The following EIF2AK1 variants were observed in gnomAD, a reference collection of about 807,000 sequenced individuals.
EIF2AK1 encodes the protein eukaryotic translation initiation factor 2-alpha kinase 1.
In EIF2AK1, 54 loss-of-function variants were observed where a neutral mutation model predicts 77.9. The ratio of observed to expected loss-of-function variants is 0.69; its 90% CI spans 0.56 to 0.87. The LOEUF (loss-of-function observed/expected upper bound fraction) is 0.87. Ranked by LOEUF, EIF2AK1 falls within the 40% of genes least tolerant of loss-of-function variation. The probability of loss-of-function intolerance (pLI) is 0.00; values close to 1 mark genes in which losing one functional copy is unlikely to be tolerated. For synonymous variants in EIF2AK1, 314 were observed against 290.5 expected (o/e 1.08, Z -0.82); for missense variants, 810 against 768.6 (o/e 1.05, Z -0.64).
At chr7:6,058,555 T>C (rs955963894) in intron 1 of EIF2AK1, among the ~76,000 whole-genome samples, 1 of 152,144 alleles carries the variant, frequency 6.6e-6, no homozygotes, top group Non-Finnish European at 1.5e-5. Context: ...CAAGAAGAGC[T>C]ACAAATTACA....
At chr7:6,049,826 C>A in intron 3 of EIF2AK1, 86 bp downstream of exon 3, 1 of 1,344,038 alleles carries the variant, frequency 7.4e-7, no homozygotes, top group South Asian at 1.3e-5. Flanking sequence ...GTTTTATAAT[C>A]AGAATTTCAC....
intron 7 of EIF2AK1, among the ~76,000 whole-genome samples, 198 bp downstream of exon 7, chr7:6,044,364 A>G (rs509228): frequency 0.68 from 102,698 of 151,636 alleles, 34,980 homozygotes; most frequent in East Asian, 0.81. Flanking sequence ...CCAGCTACTC[A>G]GGAGGCTGAG....
At chr7:6,045,772 G>A (rs1788430287) in intron 6 of EIF2AK1, among the ~76,000 whole-genome samples, 1 of 140,880 alleles carries the variant, frequency 7.1e-6, no homozygotes, top group Admixed American at 7.2e-5. Context: ...AGGCATGGTG[G>A]CAGATGCCTG....
intron 4 of EIF2AK1, chr7:6,047,300 A>C: frequency 6.0e-6 from 4 of 670,860 alleles, no homozygotes; most frequent in Non-Finnish European, 8.3e-6. Context: ...TCCAAGTAGA[A>C]ATTATTACCG....
Position 6,024,441 on chromosome 7 carries a change from G to C in EIF2AK1, c.*232C>G. 1 of 1,384,896 alleles carries C rather than the reference G, an allele frequency of 7.2e-7. No homozygotes were observed. Among genetic ancestry groups the C allele is most frequent in the Non-Finnish European group, 9.3e-7 (1 of 1,072,756 alleles). 85.8% of individuals were successfully genotyped at this position (1,384,896 alleles called of 1,614,324 possible). ...GAAAGGAGAAAATAATTGAGGATGA[G>C]GTCCAAGTTTTTAGTTTCAGAGACT... On this transcript the variant is annotated 3_prime_UTR_variant, in exon 15 of 15. Coordinates refer to ENST00000199389, the MANE Select transcript of EIF2AK1 (RefSeq NM_014413.4).
In EIF2AK1 at chr7:6,023,999, G is replaced by A. The variant is rs1787661944; in HGVS notation, c.*674C>T. On this transcript the variant is annotated 3_prime_UTR_variant, in exon 15 of 15. Transcript: ENST00000199389. ...GGAGCTGAGTGCTACAATAAAGGAG[G>A]AAGTACCGGGGAACAGTGCAGGGCA... is the stretch of plus-strand genomic sequence containing the variant. 1.5e-6 allele frequency: 2 copies of A among 1,344,990 alleles called. No individual in the cohort carries two copies. The highest frequency in any genetic ancestry group is 1.9e-6 in the Non-Finnish European group (2 of 1,026,432). 83.3% of individuals were successfully genotyped at this position (1,344,990 alleles called of 1,614,324 possible).
chr7:6,050,052 A>G lies in EIF2AK1; in HGVS notation c.278-7T>C. 1.3e-6 allele frequency: 2 copies of G among 1,591,226 alleles called. No homozygotes were observed. Among genetic ancestry groups the G allele is most frequent in the South Asian group, 1.2e-5 (1 of 86,782 alleles). ...ATAAACGTCTGGCAAAGTACTATAA[A>G]AAGAATATGAAAAACTATTATTAGA... On this transcript the variant is annotated splice_polypyrimidine_tract_variant and splice_region_variant and intron_variant, in intron 2 of 14. Coordinates refer to ENST00000199389, the MANE Select transcript of EIF2AK1 (RefSeq NM_014413.4).
At position 6,023,102 on chromosome 7, in the gene EIF2AK1, C is replaced by CT. The variant is rs1026588230; in HGVS notation, c.*1570dup. On this transcript the variant is annotated 3_prime_UTR_variant, in exon 15 of 15. Coordinates refer to ENST00000199389, the MANE Select transcript of EIF2AK1 (RefSeq NM_014413.4). ...AATACCAGGAATGACTCTTTGGTTA[C>CT]TTTTTTAACATAGTTTGCACTTAAA... is the stretch of plus-strand genomic sequence containing the variant. The CT allele has an allele frequency of 1.6e-4, 95 of 610,448 alleles. No homozygotes were observed. The African/African-American group carries it at 1.6e-3, about 11-fold the overall frequency. The allele number at this position is 610,448 out of a possible 1,614,324, so 37.8% of individuals were successfully genotyped here.
At position 6,033,000 on chromosome 7, in the gene EIF2AK1, G is replaced by C. The variant is rs918650339; in HGVS notation, c.1333-3968C>G. 1.4e-5 allele frequency: 19 copies of C among 1,394,638 alleles called. No individual in the cohort carries two copies. The highest frequency in any genetic ancestry group is 1.9e-4 in the Middle Eastern group (1 of 5,192). 86.4% of individuals were successfully genotyped at this position (1,394,638 alleles called of 1,614,324 possible). ...TTTTTTGTTTTGAGGCAGGGGTCTC[G>C]CTCTGTTGCCCAGGCTGGAGTGCAA... On this transcript the variant is annotated intron_variant, in intron 11 of 14. Coordinates refer to ENST00000199389, the MANE Select transcript of EIF2AK1 (RefSeq NM_014413.4). This position sits in a 1 kb window ranked among gnomAD's most constrained non-coding sequence, Gnocchi z 4.3.
At chr7:6,041,839 T>TAAAA (rs35008838) in intron 8 of EIF2AK1, among the ~76,000 whole-genome samples, 1 of 130,814 alleles carries the variant, frequency 7.6e-6, no homozygotes, top group Non-Finnish European at 1.6e-5. Flanking sequence ...AGACTCCATC[T>TAAAA]AAAAAAAAAA....
intron 5 of EIF2AK1, 189 bp downstream of exon 5, chr7:6,046,803 G>C: frequency 2.1e-6 from 1 of 487,778 alleles, no homozygotes. Flanking sequence ...TCGGGAGGCT[G>C]AGGCAGAAGA....
In EIF2AK1 at chr7:6,023,037, T is replaced by A; in HGVS notation, c.*1636A>T. ...CTTAGGCAGCAGGGATTGGAGCAGGTGGTCTGAGGTCCCTTCTAGCTTCAG... is the reference window on the plus strand; with the variant it reads ...CTTAGGCAGCAGGGATTGGAGCAGGAGGTCTGAGGTCCCTTCTAGCTTCAG... On this transcript the variant is annotated 3_prime_UTR_variant, in exon 15 of 15. Transcript: ENST00000199389. The A allele has an allele frequency of 2.6e-6, 1 of 381,172 alleles. No individual in the cohort carries two copies. The highest frequency in any genetic ancestry group is 4.7e-6 in the Non-Finnish European group (1 of 213,946). The allele number at this position is 381,172 out of a possible 1,614,324, so 23.6% of individuals were successfully genotyped here. A position where few individuals can be genotyped will look rare whatever the true frequency, so the allele number is the denominator to read the frequency against.
chr7:6,034,206 C>G (rs1487903188), intron 11 of EIF2AK1, among the ~76,000 whole-genome samples: 1 of 151,904 alleles, frequency 6.6e-6, no homozygotes, highest in Non-Finnish European at 1.5e-5. Context: ...ACTCGGGAGG[C>G]TGAGGCAGGA....
rs191828034 is a variant in EIF2AK1 at position 6,042,702 on chromosome 7, T to C, written c.791+231A>G. Among the ~76,000 whole-genome samples, 28 of 152,062 alleles carry C rather than the reference T, an allele frequency of 1.8e-4. 1 individual carries two copies. The East Asian group carries it at 5.0e-3, about 27-fold the overall frequency. On this transcript the variant is annotated intron_variant, in intron 8 of 14. Transcript: ENST00000199389. ...TAACACGGTGAAACCCCGTCTCTAC[T>C]AAAAATACAAAAAACTAGCTGGGTG... is the stretch of plus-strand genomic sequence containing the variant.
At position 6,035,385 on chromosome 7, in the gene EIF2AK1, C is replaced by T. The variant is rs1397161229; in HGVS notation, c.1332+2039G>A. ...TACTGGCTTCTTAAGCATTAACTGT[C>T]CACGTAGAGCCGTTCCCACTGTGAA... is the stretch of plus-strand genomic sequence containing the variant. On this transcript the variant is annotated intron_variant, in intron 11 of 14. Coordinates refer to ENST00000199389, the MANE Select transcript of EIF2AK1 (RefSeq NM_014413.4). This position sits in a 1 kb window ranked among gnomAD's most constrained non-coding sequence, Gnocchi z 5.5. 12 of 1,436,192 alleles carry T rather than the reference C, an allele frequency of 8.4e-6. No individual in the cohort carries two copies. The highest frequency in any genetic ancestry group is 2.1e-5 in the Admixed American group (1 of 46,694). The allele number at this position is 1,436,192 out of a possible 1,614,324, so 89.0% of individuals were successfully genotyped here.
At chr7:6,028,303 G>C (rs1208073950) in intron 13 of EIF2AK1, among the ~76,000 whole-genome samples, 2 of 151,094 alleles carry the variant, frequency 1.3e-5, no homozygotes, top group African/African-American at 4.9e-5. Flanking sequence ...CCAGGATGGA[G>C]TGCAATGGTG....
rs777895363 is a variant in EIF2AK1 at position 6,023,871 on chromosome 7, C to T, written c.*802G>A. On this transcript the variant is annotated 3_prime_UTR_variant, in exon 15 of 15. Transcript: ENST00000199389. ...TTATTTAAAATTCAGCAAAATCATACGCCATCTACCGTGATGACTGCCAAC... is the reference window on the plus strand; with the variant it reads ...TTATTTAAAATTCAGCAAAATCATATGCCATCTACCGTGATGACTGCCAAC... 84 of 1,532,680 alleles carry T rather than the reference C, an allele frequency of 5.5e-5. No homozygotes were observed. The South Asian group carries it at 5.7e-4, about 10-fold the overall frequency. 94.9% of individuals were successfully genotyped at this position (1,532,680 alleles called of 1,614,324 possible). A position where few individuals can be genotyped will look rare whatever the true frequency, so the allele number is the denominator to read the frequency against.
In EIF2AK1 at chr7:6,057,340, G is replaced by A. The variant is rs1459705553; in HGVS notation, c.118+1626C>T. Among the ~76,000 whole-genome samples the A allele has an allele frequency of 3.3e-5, 5 of 151,568 alleles. No homozygotes were observed. In the South Asian group the frequency reaches 1.0e-3, roughly 32 times the overall value. ...GAATCAATCAAAACCATTTCAACTC[G>A]GTTTGCACCTTTATTTTTTCTCATA... On this transcript the variant is annotated intron_variant, in intron 1 of 14. Transcript: ENST00000199389.
chr7:6,034,617 A>C (rs888283709), intron 11 of EIF2AK1, among the ~76,000 whole-genome samples: 2 of 152,206 alleles, frequency 1.3e-5, no homozygotes, highest in African/African-American at 4.8e-5. Context: ...TAAGCCCTAC[A>C]AAGGTAGGGG....
Sources: gnomAD v4.1 joint callset for allele counts (sites outside exome capture counted in the v4.1 genomes callset) on GRCh38, gnomAD v4.1.1 for gene constraint, Gnocchi (gnomAD v3.1) non-coding constraint, MANE v1.5 for transcripts, NCBI Gene and HGNC (gene_info 2026-07-23, HGNC 2026-07-21) for gene names.